The following DDC variants were observed in gnomAD, a reference collection of about 807,000 sequenced individuals.
DDC encodes dopa decarboxylase.
DDC carries 43 observed loss-of-function variants against 60.0 expected under a neutral mutation model. The ratio of observed to expected loss-of-function variants is 0.72; its 90% confidence interval spans 0.56 to 0.92. The LOEUF is 0.92. Ranked by LOEUF, DDC falls within the 40% of genes least tolerant of loss-of-function variation. The pLI, the probability that DDC is intolerant of heterozygous loss-of-function variation, is 0.00. For synonymous variants in DDC, 232 were observed against 234.6 expected, an observed-to-expected ratio of 0.99 and a Z score of 0.10; for missense variants, 573 against 620.2, an observed-to-expected ratio of 0.92 and a Z score of 0.81.
At chr7:50,518,690 A>C (rs889417335) in intron 6 of DDC, among the ~76,000 whole-genome samples, 1 of 152,240 alleles carries the variant, frequency 6.6e-6, no homozygotes, top group African/African-American at 2.4e-5. Flanking sequence ...AGCCACATGT[A>C]GGAGAATGAA....
intron 9 of DDC, among the ~76,000 whole-genome samples, chr7:50,490,734 T>C (rs888781965): frequency 6.6e-6 from 1 of 152,174 alleles, no homozygotes. Context: ...TTAGATTCTT[T>C]ATGAAAAGGT....
chr7:50,516,031 T>G (rs1043501406), intron 6 of DDC, among the ~76,000 whole-genome samples: 20 of 151,984 alleles, frequency 1.3e-4, no homozygotes, highest in African/African-American at 4.8e-4. Flanking sequence ...AGACAGAAAG[T>G]CAACAAAGAA....
At chr7:50,523,709 T>C (rs976843147) in intron 6 of DDC, among the ~76,000 whole-genome samples, 1 of 152,190 alleles carries the variant, frequency 6.6e-6, no homozygotes, top group Non-Finnish European at 1.5e-5. Context: ...TACACTAACA[T>C]TCATTGTGGG....
chr7:50,556,067 G>A (rs1425491174), intron 1 of DDC, among the ~76,000 whole-genome samples: 3 of 152,284 alleles, frequency 2.0e-5, no homozygotes, highest in Non-Finnish European at 2.9e-5. Context: ...CAGCTTCCAC[G>A]GTGCCTTGTT....
chr7:50,494,508 A>AAAAG (rs1056957881), intron 9 of DDC, among the ~76,000 whole-genome samples: 1 of 151,956 alleles, frequency 6.6e-6, no homozygotes, highest in Non-Finnish European at 1.5e-5. Context: ...TGTCTCAAAA[A>AAAAG]AAAGAAAGAA....
rs2044472023 is a variant in DDC at position 50,537,910 on chromosome 7, G to A, written c.385C>T (p.Pro129Ser). Reference sequence around the variant, plus strand: ...GCTTTCTCATTCAAAAATGCCTTTGGTAGTTCCAGCATCTTCCCGAGCCAG... The same window carrying A: ...GCTTTCTCATTCAAAAATGCCTTTGATAGTTCCAGCATCTTCCCGAGCCAG... ...MDWLGKMLEL[P>S]KAFLNEKAGE... Residue 129 changes from proline (P) to serine (S), a missense_variant, in exon 4 of 15, where the codon CCA (proline) becomes TCA (serine). Coordinates refer to ENST00000444124, the MANE Select transcript of DDC (RefSeq NM_001082971.2). The A allele has an allele frequency of 1.9e-6, 3 of 1,614,062 alleles. No individual in the cohort carries two copies. The highest frequency in any genetic ancestry group is 2.2e-5 in the East Asian group (1 of 44,882).
intron 1 of DDC, among the ~76,000 whole-genome samples, chr7:50,545,663 G>A (rs1228140122): frequency 3.9e-5 from 6 of 152,130 alleles, no homozygotes; most frequent in African/African-American, 1.4e-4. Context: ...AGTAGAGGCG[G>A]GGTTTCACCA....
chr7:50,470,240 C>A, intron 11 of DDC, 69 bp from the exon 12 acceptor site: 1 of 1,166,760 alleles, frequency 8.6e-7, no homozygotes. Flanking sequence ...TTCGGCTCAC[C>A]GGCTCGCCTA....
At chr7:50,514,486 C>G (rs979321317) in intron 6 of DDC, among the ~76,000 whole-genome samples, 2 of 152,144 alleles carry the variant, frequency 1.3e-5, no homozygotes, top group Non-Finnish European at 2.9e-5. Context: ...GAAAAAATCC[C>G]TGATTTACCT....
At chr7:50,517,534 C>G (rs1354583149) in intron 6 of DDC, among the ~76,000 whole-genome samples, 4 of 152,156 alleles carry the variant, frequency 2.6e-5, no homozygotes, top group Non-Finnish European at 5.9e-5. Context: ...GTTACCCACT[C>G]TCACCACTTC....
In DDC at chr7:50,459,302, C is replaced by G. The variant is rs529449499; in HGVS notation, c.*19-459G>C. The stretch of plus-strand genomic sequence containing the variant: ...GGAGTGCAGTGGAGTGATCTCGGCT[C>G]GCTACAACCTCCACCTCCCAGCCGC... On this transcript the variant is annotated intron_variant, in intron 14 of 14. Coordinates refer to ENST00000444124, the MANE Select transcript of DDC (RefSeq NM_001082971.2). Among the ~76,000 whole-genome samples, 544 of 152,298 alleles carry G rather than the reference C, an allele frequency of 3.6e-3. 1 individual carries two copies. Among genetic ancestry groups the G allele is most frequent in the South Asian group, 8.5e-3 (41 of 4,822 alleles).
At chr7:50,466,216 G>A (rs951409422) in intron 13 of DDC, among the ~76,000 whole-genome samples, 5 of 152,168 alleles carry the variant, frequency 3.3e-5, no homozygotes, top group Non-Finnish European at 7.3e-5. Flanking sequence ...TCAGCCGGGC[G>A]CAGTGGCTCA....
At chr7:50,469,970 ACT>A (rs1333026754) in intron 12 of DDC, 101 bp downstream of exon 12, 1 of 758,872 alleles carries the variant, frequency 1.3e-6, no homozygotes, top group East Asian at 2.7e-5. Context: ...CAAGAGTGAA[ACT>A]CTGTCTCAAA....
chr7:50,476,534 T>A, intron 11 of DDC, 90 bp downstream of exon 11: 1 of 1,215,168 alleles, frequency 8.2e-7, no homozygotes, highest in Non-Finnish European at 1.2e-6. Flanking sequence ...GTGCTGATCA[T>A]GAGAGTGGGG....
intron 5 of DDC, among the ~76,000 whole-genome samples, chr7:50,528,950 A>T (rs956772910): frequency 7.2e-5 from 11 of 152,088 alleles, no homozygotes; most frequent in Non-Finnish European, 1.0e-4. Context: ...AGATAATCAC[A>T]ACAGAAGTCC....
chr7:50,488,082 GCTATAAA>G, intron 9 of DDC, among the ~76,000 whole-genome samples: 1 of 152,100 alleles, frequency 6.6e-6, no homozygotes, highest in East Asian at 1.9e-4. Context: ...AAATTCGCAG[GCTATAAA>G]ATTGGTTAGC....
intron 9 of DDC, among the ~76,000 whole-genome samples, chr7:50,485,940 C>G (rs909507448): frequency 1.3e-5 from 2 of 152,114 alleles, no homozygotes; most frequent in South Asian, 4.1e-4. Context: ...AGCTTATGAA[C>G]AGAATAATGA....
chr7:50,545,808 T>C (rs2044787740), intron 1 of DDC, among the ~76,000 whole-genome samples: 1 of 152,158 alleles, frequency 6.6e-6, no homozygotes, highest in South Asian at 2.1e-4. Context: ...GACAATTGCA[T>C]GCTAGGGATG....
At chr7:50,485,276 A>G (rs1027451081) in intron 9 of DDC, among the ~76,000 whole-genome samples, 4 of 152,246 alleles carry the variant, frequency 2.6e-5, no homozygotes, top group Non-Finnish European at 4.4e-5. Flanking sequence ...TAAAAGATTC[A>G]GAATATCAAA....
Sources: gnomAD v4.1 joint callset for allele counts (sites outside exome capture counted in the v4.1 genomes callset) on GRCh38, gnomAD v4.1.1 for gene constraint, MANE v1.5 for transcripts, NCBI Gene and HGNC (gene_info 2026-07-23, HGNC 2026-07-21) for gene names.